Variants in RAB31 observed in about 807,000 individuals in gnomAD.
RAB31 encodes the protein RAB31, member RAS oncogene family, also known as ras-related protein Rab-31.
In RAB31, 21 loss-of-function variants were observed where a neutral mutation model predicts 25.6. The observed-to-expected ratio is 0.82, with a 90% CI of 0.58 to 1.18. The LOEUF (loss-of-function observed/expected upper bound fraction) is 1.18. Among genes scored for constraint, RAB31 ranks in the 50% most tolerant of loss-of-function variants. The pLI is 0.00. For synonymous variants in RAB31, 87 were observed against 84.0 expected (o/e 1.04, Z -0.20); for missense variants, 196 against 250.1 (o/e 0.78, Z 1.46).
At chr18:9,759,567 G>T (rs1036042493) in intron 1 of RAB31, among the ~76,000 whole-genome samples, 3 of 114,420 alleles carry the variant, frequency 2.6e-5, no homozygotes, top group Admixed American at 8.8e-5. Context: ...GCTCACAAAG[G>T]TTTCCATATG....
chr18:9,708,357 CG>C lies in RAB31; in HGVS notation c.-47del. On this transcript the variant is annotated 5_prime_UTR_variant, in exon 1 of 7. Transcript: ENST00000578921. The surrounding 1 kb of genome is among the most constrained non-coding windows in gnomAD (Gnocchi z 6.4). ...AGACGCCGGCGGGGCGCGGGCGCGG[CG>C]GCCCCGGAGGATGCTGCTGAGCCCC... is the stretch of plus-strand genomic sequence containing the variant. 7.0e-7 allele frequency: 1 copy of C among 1,425,546 alleles called. No individual in the cohort carries two copies. The highest frequency in any genetic ancestry group is 9.3e-7 in the Non-Finnish European group (1 of 1,074,310). 88.3% of individuals were successfully genotyped at this position (1,425,546 alleles called of 1,614,324 possible). A position where few individuals can be genotyped will look rare whatever the true frequency, so the allele number is the denominator to read the frequency against.
chr18:9,746,899 CAAAA>C (rs2068208576), intron 1 of RAB31, among the ~76,000 whole-genome samples: 2 of 152,024 alleles, frequency 1.3e-5, no homozygotes, highest in Non-Finnish European at 2.9e-5. Context: ...GCATAAGTAA[CAAAA>C]GAAAATGCAT....
chr18:9,797,944 C>T (rs1217131902), intron 3 of RAB31, among the ~76,000 whole-genome samples: 4 of 152,188 alleles, frequency 2.6e-5, no homozygotes, highest in Non-Finnish European at 5.9e-5. Context: ...GTTCCACTTA[C>T]CATCGCAAAG....
intron 2 of RAB31, among the ~76,000 whole-genome samples, chr18:9,789,423 G>A (rs2068449086): frequency 6.6e-6 from 1 of 152,234 alleles, no homozygotes; most frequent in Non-Finnish European, 1.5e-5. Context: ...TGTTCAAGGT[G>A]ATGAATATGC....
rs528990365 is a variant in RAB31 at position 9,845,173 on chromosome 18, T to C, written c.381-409T>C. On this transcript the variant is annotated intron_variant, in intron 5 of 6. Coordinates refer to ENST00000578921, the MANE Select transcript of RAB31 (RefSeq NM_006868.4). ...TTTCTCTGATTTGTGAAAGATAATATGTAAAAAGTTTCACAAAAGCATGTG... is the reference window on the plus strand; with the variant it reads ...TTTCTCTGATTTGTGAAAGATAATACGTAAAAAGTTTCACAAAAGCATGTG... 6.6e-5 allele frequency among the ~76,000 whole-genome samples: 10 copies of C among 152,306 alleles called. No individual in the cohort carries two copies. The South Asian group carries it at 1.9e-3, about 28-fold the overall frequency.
At position 9,793,609 on chromosome 18, in the gene RAB31, C is replaced by T. The variant is rs567510354; in HGVS notation, c.201+1374C>T. The stretch of plus-strand genomic sequence containing the variant: ...CCCAGGAGGCGGAGGTTGCAGTGAG[C>T]CGAGATCATGCCACTGCACTGCAGC... On this transcript the variant is annotated intron_variant, in intron 3 of 6. Transcript: ENST00000578921. Among the ~76,000 whole-genome samples the T allele has an allele frequency of 1.2e-4, 18 of 151,834 alleles. 2 individuals are homozygous for T. The highest frequency in any genetic ancestry group is 1.2e-3 in the East Asian group (6 of 5,144).
intron 5 of RAB31, among the ~76,000 whole-genome samples, chr18:9,837,869 G>GGA (rs2068713256): frequency 6.6e-6 from 1 of 152,188 alleles, no homozygotes; most frequent in South Asian, 2.1e-4. Context: ...ATGCTTCTAT[G>GGA]GAATGTTGAT....
chr18:9,763,600 T>TA (rs1555686219), intron 1 of RAB31, among the ~76,000 whole-genome samples: 4 of 141,696 alleles, frequency 2.8e-5, no homozygotes, highest in Admixed American at 7.0e-5. Flanking sequence ...AAGAAAAAAA[T>TA]TATATATATA....
intron 1 of RAB31, among the ~76,000 whole-genome samples, chr18:9,738,598 C>T (rs932631200): frequency 2.0e-5 from 3 of 152,226 alleles, no homozygotes; most frequent in Non-Finnish European, 2.9e-5. Flanking sequence ...GGAAGTCCCA[C>T]ACCCCTTCCC....
rs1041764346 is a variant in RAB31 at position 9,741,992 on chromosome 18, T to C, written c.40-33286T>C. Reference sequence around the variant, plus strand: ...GCCTGTGGTGTCATAGGGCTGCTGCTGTCTGCCCTTTGTCCTGTCTCACGC... The same window carrying C: ...GCCTGTGGTGTCATAGGGCTGCTGCCGTCTGCCCTTTGTCCTGTCTCACGC... On this transcript the variant is annotated intron_variant, in intron 1 of 6. Transcript: ENST00000578921. 3.3e-5 allele frequency among the ~76,000 whole-genome samples: 5 copies of C among 152,228 alleles called. No homozygotes were observed. The East Asian group carries it at 9.6e-4, about 29-fold the overall frequency.
intron 3 of RAB31, among the ~76,000 whole-genome samples, chr18:9,813,580 G>A (rs72959354): frequency 0.18 from 26,626 of 152,098 alleles, 3,169 homozygotes; most frequent in Non-Finnish European, 0.27. Context: ...GGCCGGGTGC[G>A]GTAGCTCACA....
At chr18:9,762,936 T>C (rs9951109) in intron 1 of RAB31, among the ~76,000 whole-genome samples, 41,137 of 151,990 alleles carry the variant, frequency 0.27, 7,103 homozygotes, top group African/African-American at 0.49. Flanking sequence ...GTAGGGGAGC[T>C]GCCACCATTG....
chr18:9,857,450 T>C (rs1187671947), intron 6 of RAB31, among the ~76,000 whole-genome samples: 1 of 152,042 alleles, frequency 6.6e-6, no homozygotes. Context: ...GTTCAGATTC[T>C]CCTCTTACTG....
At chr18:9,756,595 G>A (rs1372663661) in intron 1 of RAB31, among the ~76,000 whole-genome samples, 1 of 152,124 alleles carries the variant, frequency 6.6e-6, no homozygotes, top group Non-Finnish European at 1.5e-5. Flanking sequence ...ATTATGGTTG[G>A]GATTTATGAA....
chr18:9,837,992 T>G (rs2068713693), intron 5 of RAB31, among the ~76,000 whole-genome samples: 1 of 152,234 alleles, frequency 6.6e-6, no homozygotes. Context: ...CTTTTTGGCA[T>G]TCTGTAAGAA....
At chr18:9,768,486 AC>A (rs2068327851) in intron 1 of RAB31, among the ~76,000 whole-genome samples, 1 of 152,206 alleles carries the variant, frequency 6.6e-6, no homozygotes, top group Non-Finnish European at 1.5e-5. Flanking sequence ...TTTTTTGGCC[AC>A]AAAAATGTCT....
intron 1 of RAB31, among the ~76,000 whole-genome samples, chr18:9,720,589 C>T (rs2068069180): frequency 6.6e-6 from 1 of 150,708 alleles, no homozygotes; most frequent in Non-Finnish European, 1.5e-5. Context: ...CACACACACA[C>T]AGGGAGAAGG....
chr18:9,835,781 G>C (rs2068701297), intron 5 of RAB31, among the ~76,000 whole-genome samples: 1 of 152,056 alleles, frequency 6.6e-6, no homozygotes, highest in Non-Finnish European at 1.5e-5. Flanking sequence ...AAAAATCCAA[G>C]TGTCTGTAAG....
intron 1 of RAB31, among the ~76,000 whole-genome samples, chr18:9,724,305 T>G (rs967839583): frequency 2.6e-5 from 4 of 151,484 alleles, no homozygotes; most frequent in Non-Finnish European, 5.9e-5. Context: ...AAAACATTAT[T>G]ATTGAAATGA....
Sources: gnomAD v4.1 joint callset for allele counts (sites outside exome capture counted in the v4.1 genomes callset) on GRCh38, gnomAD v4.1.1 for gene constraint, Gnocchi (gnomAD v3.1) non-coding constraint, MANE v1.5 for transcripts, NCBI Gene and HGNC (gene_info 2026-07-23, HGNC 2026-07-21) for gene names.